Variants in SNX19 observed in about 807,000 individuals in gnomAD.
The protein encoded by SNX19 is sorting nexin-19.
In SNX19, 60 loss-of-function variants were observed where a neutral mutation model predicts 85.2. The ratio of observed to expected loss-of-function variants is 0.70; its 90% confidence interval spans 0.57 to 0.87. SNX19 has a LOEUF of 0.87. Ranked by LOEUF, SNX19 falls within the 40% of genes least tolerant of loss-of-function variation. The probability of loss-of-function intolerance (pLI) is 0.00; values close to 1 mark genes in which losing one functional copy is unlikely to be tolerated. For missense variants in SNX19, 1,201 were observed against 1,217.8 expected (o/e 0.99, Z 0.21); for synonymous variants, 520 against 470.0 (o/e 1.11, Z -1.38).
rs1331335985 is a variant in SNX19 at position 130,915,267 on chromosome 11, G to A, written c.673C>T (p.Pro225Ser). 3 of 1,614,120 alleles carry A rather than the reference G, an allele frequency of 1.9e-6. No individual in the cohort carries two copies. The highest frequency in any genetic ancestry group is 2.5e-6 in the Non-Finnish European group (3 of 1,180,056). Residue 225 changes from proline to serine, a missense_variant, in exon 1 of 11, where the codon CCC becomes TCC. By Grantham distance (74) the Pro-to-Ser change is moderately conservative (BLOSUM62 -1). This residue lies in a region of SNX19 where 791 missense variants were observed against 750.9 expected (regional missense o/e 1.05). Coordinates refer to ENST00000265909, the MANE Select transcript of SNX19 (RefSeq NM_014758.3). ...VVNLLLQGLVPKPHLETRTGR... is the reference protein window; with the variant it reads ...VVNLLLQGLVSKPHLETRTGR... ...GTACGAGTCTCCAAGTGGGGCTTGG[G>A]CACCAGCCCTTGAAGCAACAAATTC...
rs367643363 is a variant in SNX19 at position 130,914,311 on chromosome 11, C to T, written c.1629G>A (p.Glu543=). ...ATGGGTGGAATCCAGTGCCACTGTG[C>T]TCTCGGGCTGTAATGGTGCCAGTGA... ...LRITGTITAR[E]HSGTGFHPYT... Residue 543 remains glutamate, a synonymous_variant, in exon 1 of 11, where the codon GAG becomes GAA. Coordinates refer to ENST00000265909, the MANE Select transcript of SNX19 (RefSeq NM_014758.3). 3.1e-6 allele frequency: 5 copies of T among 1,606,588 alleles called. No homozygotes were observed. The Admixed American group carries it at 6.7e-5, about 22-fold the overall frequency.
Position 130,903,484 on chromosome 11 carries a change from C to A in SNX19, c.2444-100G>T, listed in dbSNP as rs1007337950. ...GCACCTGTGTCTCTCTACCTTCATG[C>A]CAATCATCTGGTATTTTTGCAATCC... On this transcript the variant is annotated intron_variant, in intron 7 of 10. Coordinates refer to ENST00000265909, the MANE Select transcript of SNX19 (RefSeq NM_014758.3). The A allele has an allele frequency of 3.0e-6, 4 of 1,314,710 alleles. No individual in the cohort carries two copies. In the African/African-American group the frequency reaches 5.9e-5, roughly 19 times the overall value. 81.4% of individuals were successfully genotyped at this position (1,314,710 alleles called of 1,614,324 possible).
rs1399348556 is a variant in SNX19, at chr11:130,875,828, G to C, written c.*2594C>G. 1 of 152,052 alleles carries C rather than the reference G, an allele frequency of 6.6e-6. No individual in the cohort carries two copies. The highest frequency in any genetic ancestry group is 1.5e-5 in the Non-Finnish European group (1 of 68,016). The allele number at this position is 152,052 out of a possible 1,614,324, so 9.4% of individuals were successfully genotyped here. On this transcript the variant is annotated 3_prime_UTR_variant, in exon 11 of 11. Transcript: ENST00000265909. ...CTGCATGTTGTGCACATGTTCCCTA[G>C]AACTTAATGTATAATAATAATAAAA...
At chr11:130,906,191 C>T in intron 6 of SNX19, 58 bp from the exon 7 acceptor site, 1 of 1,558,592 alleles carries the variant, frequency 6.4e-7, no homozygotes, top group Non-Finnish European at 8.7e-7. Context: ...GGAGCAAATG[C>T]AGCACTCTAG....
chr11:130,870,006 T>C lies in SNX19; in HGVS notation c.*8416A>G, dbSNP rs1483661683. The C allele has an allele frequency of 1.3e-5, 2 of 152,208 alleles. No homozygotes were observed. Among genetic ancestry groups the C allele is most frequent in the Non-Finnish European group, 2.9e-5 (2 of 68,034 alleles). 9.4% of individuals were successfully genotyped at this position (152,208 alleles called of 1,614,324 possible). ...AGTTTTTTGAAGAAAGTTTCTTCTC[T>C]GTTGCTATTTAGTTTTAACAAAGGA... On this transcript the variant is annotated 3_prime_UTR_variant, in exon 11 of 11. Transcript: ENST00000265909.
chr11:130,895,185 G>T (rs1944793907), intron 8 of SNX19: 2 of 985,448 alleles, frequency 2.0e-6, no homozygotes. Context: ...CATTAGAATG[G>T]GAGATGGCCT....
At chr11:130,885,105 C>T (rs2135298158) in intron 8 of SNX19, among the ~76,000 whole-genome samples, 1 of 152,086 alleles carries the variant, frequency 6.6e-6, no homozygotes, top group Middle Eastern at 3.4e-3. Context: ...AAAAAAGAAC[C>T]CAAACCAGGT....
In SNX19 at chr11:130,880,285, T is replaced by A. The variant is rs544285579; in HGVS notation, c.2758+337A>T. Among the ~76,000 whole-genome samples the A allele has an allele frequency of 3.3e-5, 5 of 152,334 alleles. No individual in the cohort carries two copies. In the East Asian group the frequency reaches 7.7e-4, roughly 24 times the overall value. ...ATCTGAAGTCTTCATCTCCTGGAAA[T>A]GGCTCTGAGACCTGTCCCTGCAGGC... is the stretch of plus-strand genomic sequence containing the variant. On this transcript the variant is annotated intron_variant, in intron 9 of 10. Transcript: ENST00000265909.
Position 130,875,889 on chromosome 11 carries a change from G to A in SNX19, c.*2533C>T, listed in dbSNP as rs776480599. 12 of 152,068 alleles carry A rather than the reference G, an allele frequency of 7.9e-5. No homozygotes were observed. The highest frequency in any genetic ancestry group is 1.6e-4 in the Non-Finnish European group (11 of 68,002). 9.4% of individuals were successfully genotyped at this position (152,068 alleles called of 1,614,324 possible). ...TACATGCTCCTAGGCTCAGATTTAG[G>A]AATTTATTTTCCATTTAGGTTTTAT... On this transcript the variant is annotated 3_prime_UTR_variant, in exon 11 of 11. Coordinates refer to ENST00000265909, the MANE Select transcript of SNX19 (RefSeq NM_014758.3).
intron 9 of SNX19, 93 bp from the exon 10 acceptor site, chr11:130,879,804 ATAGGT>A: frequency 3.4e-6 from 4 of 1,179,854 alleles, no homozygotes; most frequent in Non-Finnish European, 5.0e-6. Flanking sequence ...CCGTTTTTAC[ATAGGT>A]TAGGTATTTC....
At chr11:130,891,359 C>T (rs77932174) in intron 8 of SNX19, among the ~76,000 whole-genome samples, 4,802 of 97,686 alleles carry the variant, frequency 0.049, 112 homozygotes, top group South Asian at 0.16. Context: ...CCTGGCTATG[C>T]ATTCCTCTGG....
intron 8 of SNX19, among the ~76,000 whole-genome samples, chr11:130,887,998 A>G (rs927476974): frequency 6.6e-6 from 1 of 152,060 alleles, no homozygotes; most frequent in Non-Finnish European, 1.5e-5. Flanking sequence ...TACTTCTCAT[A>G]CAGCCGAAGA....
chr11:130,911,551 T>A, intron 2 of SNX19, 82 bp downstream of exon 2: 2 of 1,590,548 alleles, frequency 1.3e-6, no homozygotes, highest in African/African-American at 2.7e-5. Context: ...TCCTCCCCGA[T>A]CCCTCCCATA....
rs918367069 is a variant in SNX19, at chr11:130,871,466, A to C, written c.*6956T>G. Among the ~76,000 whole-genome samples the C allele has an allele frequency of 2.0e-5, 3 of 152,194 alleles. No individual in the cohort carries two copies. Among genetic ancestry groups the C allele is most frequent in the Non-Finnish European group, 4.4e-5 (3 of 68,032 alleles). On this transcript the variant is annotated 3_prime_UTR_variant, in exon 11 of 11. Transcript: ENST00000265909. ...CTCCAAAAGTGTTTTTCCTCCCTTA[A>C]TAAGGTCTATTCTTCTTGGTGTCAA...
At chr11:130,897,387 CAG>C (rs1448467225) in intron 8 of SNX19, among the ~76,000 whole-genome samples, 3 of 151,970 alleles carry the variant, frequency 2.0e-5, no homozygotes, top group African/African-American at 7.3e-5. Context: ...CACACACACA[CAG>C]ACACACACAC....
chr11:130,893,747 G>A, intron 8 of SNX19: 2 of 698,452 alleles, frequency 2.9e-6, no homozygotes, highest in Non-Finnish European at 5.2e-6. Context: ...AGAGGAGGCA[G>A]GTGTTGAGGA....
intron 5 of SNX19, among the ~76,000 whole-genome samples, chr11:130,907,291 G>A (rs1945741463): frequency 6.6e-6 from 1 of 152,168 alleles, no homozygotes; most frequent in African/African-American, 2.4e-5. Context: ...CTGTGAGTCT[G>A]TTATTGCTGG....
intron 8 of SNX19, among the ~76,000 whole-genome samples, chr11:130,890,718 C>G (rs1327038073): frequency 6.6e-6 from 1 of 152,134 alleles, no homozygotes; most frequent in Non-Finnish European, 1.5e-5. Context: ...CTTTAAATCT[C>G]ATCTCTGATG....
rs1308275967 is a variant in SNX19 at position 130,866,921 on chromosome 11, A to T, written c.*11501T>A. ...GCTAGAGGTTGTTCTTAAACGTATG[A>T]GCTCATTTAGCTCCCGTGCCCACCC... On this transcript the variant is annotated 3_prime_UTR_variant, in exon 11 of 11. Coordinates refer to ENST00000265909, the MANE Select transcript of SNX19 (RefSeq NM_014758.3). The T allele has an allele frequency of 6.6e-6, 1 of 152,196 alleles. No individual in the cohort carries two copies. The highest frequency in any genetic ancestry group is 1.5e-5 in the Non-Finnish European group (1 of 68,048). The allele number at this position is 152,196 out of a possible 1,614,324, so 9.4% of individuals were successfully genotyped here. A position where few individuals can be genotyped will look rare whatever the true frequency, so the allele number is the denominator to read the frequency against.
Sources: gnomAD v4.1 joint callset for allele counts (sites outside exome capture counted in the v4.1 genomes callset) on GRCh38, gnomAD v4.1.1 for gene constraint, gnomAD v4.1.1 regional missense constraint, MANE v1.5 for transcripts, NCBI Gene and HGNC (gene_info 2026-07-23, HGNC 2026-07-21) for gene names.